MRE11: variants seen among roughly 807,000 people sequenced by gnomAD.
MRE11 encodes double-strand break repair protein MRE11.
Under a neutral mutation model 91.7 loss-of-function variants are expected in MRE11, and 62 were observed. That is an observed-to-expected ratio of 0.68 (90% CI 0.55 to 0.84). The LOEUF is 0.84. Among genes scored for constraint, MRE11 ranks in the 40% least tolerant of loss-of-function variants. The probability of loss-of-function intolerance (pLI) is 0.00; values close to 1 mark genes in which losing one functional copy is unlikely to be tolerated. For missense variants in MRE11, 796 were observed against 852.9 expected, an observed-to-expected ratio of 0.93 and a Z score of 0.83; for synonymous variants, 273 against 271.4, an observed-to-expected ratio of 1.01 and a Z score of -0.06.
intron 18 of MRE11, among the ~76,000 whole-genome samples, chr11:94,433,844 CCT>C (rs1263204936): frequency 6.6e-6 from 1 of 152,124 alleles, no homozygotes; most frequent in Non-Finnish European, 1.5e-5. Flanking sequence ...TGCACTTGTC[CCT>C]CTGCTTTTTG....
the MRE11 span, among the ~76,000 whole-genome samples, chr11:94,501,761 A>G: frequency 6.7e-6 from 1 of 149,010 alleles, no homozygotes; most frequent in Non-Finnish European, 1.5e-5. Context: ...ACTTTGGGCA[A>G]AAAAAAAAAC....
At position 94,476,366 on chromosome 11, in the gene MRE11, G is replaced by A. The variant is rs1385066539; in HGVS notation, c.582C>T (p.Val194=). Reference sequence around the variant, plus strand: ...GTCTCAACATTGTTACTTTTTTATTGACAAACATTCGATAGAGCCTTTCAT... The same window carrying A: ...GTCTCAACATTGTTACTTTTTTATTAACAAACATTCGATAGAGCCTTTCAT... ...IPDERLYRMF[V]NKKVTMLRPK... is the part of the protein sequence containing the mutation. The change falls in exon 7 of 20, where the codon GTC becomes GTT. Residue 194 remains valine, a synonymous_variant. Transcript: ENST00000323929. 2 of 1,612,692 alleles carry A rather than the reference G, an allele frequency of 1.2e-6. No individual in the cohort carries two copies. Among genetic ancestry groups the A allele is most frequent in the Admixed American group, 1.7e-5 (1 of 59,978 alleles).
At chr11:94,491,333 C>T (rs372486717) in intron 2 of MRE11, among the ~76,000 whole-genome samples, 4 of 152,184 alleles carry the variant, frequency 2.6e-5, no homozygotes, top group African/African-American at 9.6e-5. Flanking sequence ...CCAGGAAAAT[C>T]GAAGTTAATT....
Position 94,418,763 on chromosome 11 carries a change from A to C in MRE11, c.*1362T>G. On this transcript the variant is annotated 3_prime_UTR_variant, in exon 20 of 20. Transcript: ENST00000323929. The stretch of plus-strand genomic sequence containing the variant: ...CCACTGAGTTAATGTTACTTGCTCA[A>C]ATAACCCTTATGCTCAAGTTAGGTA... The C allele has an allele frequency of 4.3e-6, 1 of 232,418 alleles. No individual in the cohort carries two copies. The highest frequency in any genetic ancestry group is 2.2e-5 in the African/African-American group (1 of 45,446). 14.4% of individuals were successfully genotyped at this position (232,418 alleles called of 1,614,324 possible).
At chr11:94,435,987 TC>T (rs1945600254) in intron 17 of MRE11, 88 bp from the exon 18 acceptor site, 1 of 1,217,416 alleles carries the variant, frequency 8.2e-7, no homozygotes, top group Non-Finnish European at 1.2e-6. Context: ...CACGATTAAA[TC>T]TTAAGTTATA....
rs1457894425 is a variant in MRE11 at position 94,417,327 on chromosome 11, T to C, written c.*2798A>G. 1 of 219,622 alleles carries C rather than the reference T, an allele frequency of 4.6e-6. No individual in the cohort carries two copies. Among genetic ancestry groups the C allele is most frequent in the Admixed American group, 5.8e-5 (1 of 17,298 alleles). The allele number at this position is 219,622 out of a possible 1,614,324, so 13.6% of individuals were successfully genotyped here. On this transcript the variant is annotated 3_prime_UTR_variant, in exon 20 of 20. Coordinates refer to ENST00000323929, the MANE Select transcript of MRE11 (RefSeq NM_005591.4). ...TTTTTCTAAGAATGGATTTTCCTCT[T>C]TATGAAAACAAAATATTCCTTTTCT...
intron 14 of MRE11, among the ~76,000 whole-genome samples, chr11:94,453,142 T>C (rs1946158449): frequency 6.6e-6 from 1 of 152,180 alleles, no homozygotes; most frequent in African/African-American, 2.4e-5. Context: ...ATCCATATTG[T>C]AGCATGTATC....
chr11:94,424,651 C>T (rs1945260950), intron 19 of MRE11, among the ~76,000 whole-genome samples: 1 of 152,072 alleles, frequency 6.6e-6, no homozygotes, highest in Non-Finnish European at 1.5e-5. Context: ...AAGAAAGAAC[C>T]ATACTGAACT....
intron 10 of MRE11, among the ~76,000 whole-genome samples, chr11:94,464,739 A>G (rs1019732516): frequency 6.6e-6 from 1 of 152,224 alleles, no homozygotes; most frequent in African/African-American, 2.4e-5. Flanking sequence ...GATTACCTCC[A>G]AAACATGGTA....
At chr11:94,428,745 C>A (rs1945388330) in intron 19 of MRE11, among the ~76,000 whole-genome samples, 1 of 152,010 alleles carries the variant, frequency 6.6e-6, no homozygotes, top group Non-Finnish European at 1.5e-5. Flanking sequence ...CACCTGTAAT[C>A]CCAGCTACTC....
chr11:94,481,582 G>A (rs1947013836), intron 4 of MRE11, among the ~76,000 whole-genome samples: 1 of 152,148 alleles, frequency 6.6e-6, no homozygotes, highest in African/African-American at 2.4e-5. Context: ...GTCATACTTA[G>A]AAGCCTTCCC....
chr11:94,507,568 A>G, the MRE11 span, among the ~76,000 whole-genome samples: 7 of 152,202 alleles, frequency 4.6e-5, no homozygotes, highest in Admixed American at 1.3e-4. Context: ...TAGTTCTACC[A>G]GTTTACACTC....
intron 4 of MRE11, among the ~76,000 whole-genome samples, chr11:94,483,592 T>C (rs1313268235): frequency 4.6e-5 from 7 of 152,184 alleles, no homozygotes; most frequent in Admixed American, 6.5e-5. Context: ...TCAGCCACGA[T>C]TGTGAAGCCG....
chr11:94,496,545 T>G (rs981258482), upstream of MRE11: 14 of 694,116 alleles, frequency 2.0e-5, no homozygotes, highest in Non-Finnish European at 3.3e-5. Context: ...GACTTATCTA[T>G]GCAGTTGATA....
rs13447590 is a variant in MRE11, at chr11:94,491,715, C to G, written c.21-750G>C. ...ACTAGTGACAGAAACAGGACTAAAA[C>G]CCATGATGAAAACTCAGGCTATTTT... On this transcript the variant is annotated intron_variant, in intron 2 of 19. Transcript: ENST00000323929. 8.7e-3 allele frequency among the ~76,000 whole-genome samples: 1,318 copies of G among 152,200 alleles called. 8 individuals carry two copies. The highest frequency in any genetic ancestry group is 0.015 in the Non-Finnish European group (1,014 of 67,994).
chr11:94,426,895 A>C (rs907405385), intron 19 of MRE11, among the ~76,000 whole-genome samples: 1 of 152,284 alleles, frequency 6.6e-6, no homozygotes, highest in African/African-American at 2.4e-5. Context: ...AAATTCTGAA[A>C]TTAATCAGTA....
chr11:94,479,618 C>G (rs1267965120), intron 5 of MRE11, 56 bp downstream of exon 5: 3 of 1,484,088 alleles, frequency 2.0e-6, no homozygotes, highest in Non-Finnish European at 2.8e-6. Flanking sequence ...TTTCCACAGA[C>G]AAACTAAACT....
rs577334915 is a variant in MRE11 at position 94,483,587 on chromosome 11, C to T, written c.314+2337G>A. Among the ~76,000 whole-genome samples, 304 of 152,288 alleles carry T rather than the reference C, an allele frequency of 2.0e-3. 2 individuals carry two copies. The highest frequency in any genetic ancestry group is 6.3e-3 in the African/African-American group (260 of 41,548). On this transcript the variant is annotated intron_variant, in intron 4 of 19. Transcript: ENST00000323929. ...GTGACTTGCTCCTCTTGCCTTCAGC[C>T]ACGATTGTGAAGCCGCCCCAGCCAG...
intron 10 of MRE11, chr11:94,466,383 A>T: frequency 2.2e-6 from 1 of 445,322 alleles, no homozygotes; most frequent in South Asian, 1.6e-5. Context: ...TAGGCCAGGA[A>T]GTATTAATAA....
Sources: allele counts gnomAD v4.1 joint callset (sites outside exome capture counted in the v4.1 genomes callset), GRCh38; gene constraint gnomAD v4.1.1; transcripts MANE v1.5; gene names NCBI Gene and HGNC (gene_info 2026-07-23, HGNC 2026-07-21).